The following CACNA1D variants were observed in gnomAD, a reference collection of about 807,000 sequenced individuals.
CACNA1D encodes the protein voltage-dependent L-type calcium channel subunit alpha-1D.
Under a neutral mutation model 257.1 loss-of-function variants are expected in CACNA1D, and 55 were observed. The ratio of observed to expected loss-of-function variants is 0.21; its 90% CI spans 0.17 to 0.27. CACNA1D has a LOEUF of 0.27. Among genes scored for constraint, CACNA1D ranks in the 10% least tolerant of loss-of-function variants. The pLI is 1.00. For missense variants in CACNA1D, 1,876 were observed against 2,784.0 expected, an observed-to-expected ratio of 0.67 and a Z score of 7.34; for synonymous variants, 980 against 1,014.9, an observed-to-expected ratio of 0.97 and a Z score of 0.65.
intron 40 of CACNA1D, chr3:53,799,906 C>T (rs1179728023): frequency 1.4e-5 from 5 of 367,008 alleles, no homozygotes; most frequent in East Asian, 6.5e-5. Flanking sequence ...CTCTTGTAGG[C>T]GAGCCTACTG....
At chr3:53,744,368 CA>C (rs2095146993) in intron 22 of CACNA1D, among the ~76,000 whole-genome samples, 1 of 152,186 alleles carries the variant, frequency 6.6e-6, no homozygotes, top group Admixed American at 6.5e-5. Context: ...GCCCTGGTAC[CA>C]AAGTGCTACA....
intron 27 of CACNA1D, among the ~76,000 whole-genome samples, chr3:53,750,495 T>C (rs2095215755): frequency 6.6e-6 from 1 of 152,202 alleles, no homozygotes; most frequent in African/African-American, 2.4e-5. Flanking sequence ...AAGCCAACCA[T>C]AGCTGGCTGT....
At chr3:53,628,214 G>A (rs999606448) in intron 3 of CACNA1D, among the ~76,000 whole-genome samples, 2 of 152,106 alleles carry the variant, frequency 1.3e-5, no homozygotes, top group Non-Finnish European at 2.9e-5. Flanking sequence ...GTCAGATGCA[G>A]ACCCTGTGCC....
intron 5 of CACNA1D, among the ~76,000 whole-genome samples, chr3:53,660,853 A>G (rs1242839919): frequency 6.6e-6 from 1 of 152,146 alleles, no homozygotes; most frequent in African/African-American, 2.4e-5. Context: ...GTGAGAACTG[A>G]GTGAGATAAT....
chr3:53,732,425 G>C (rs954213414), intron 18 of CACNA1D, among the ~76,000 whole-genome samples: 1 of 152,198 alleles, frequency 6.6e-6, no homozygotes, highest in African/African-American at 2.4e-5. Flanking sequence ...GTGGAGTTGG[G>C]AGCCTAGGAG....
Position 53,543,366 on chromosome 3 carries a change from G to GA in CACNA1D, c.483+41649dup, listed in dbSNP as rs779234159. Among the ~76,000 whole-genome samples, 115 of 152,290 alleles carry GA rather than the reference G, an allele frequency of 7.6e-4. No homozygotes were observed. The Middle Eastern group carries it at 0.01, about 14-fold the overall frequency. Reference sequence around the variant, plus strand: ...TAAACCTTTTCTGTCAGGGTGAGGAGAAAGTGGGTAAAGGACTTCAGCATT... The same window carrying GA: ...TAAACCTTTTCTGTCAGGGTGAGGAGAAAAGTGGGTAAAGGACTTCAGCATT... On this transcript the variant is annotated intron_variant, in intron 3 of 47. Coordinates refer to ENST00000350061, the MANE Select transcript of CACNA1D (RefSeq NM_001128840.3).
At position 53,812,526 on chromosome 3, in the gene CACNA1D, C is replaced by T. The variant is rs1187958855; in HGVS notation, c.*1120C>T. On this transcript the variant is annotated 3_prime_UTR_variant, in exon 48 of 48. Coordinates refer to ENST00000350061, the MANE Select transcript of CACNA1D (RefSeq NM_001128840.3). ...AGAGTTCCATGATTTTGATACTGTA[C>T]CTTTGGATCCACCATGGGTTGCAAC... 1.3e-5 allele frequency: 2 copies of T among 152,120 alleles called. No individual in the cohort carries two copies. The highest frequency in any genetic ancestry group is 2.4e-5 in the African/African-American group (1 of 41,392). The allele number at this position is 152,120 out of a possible 1,614,324, so 9.4% of individuals were successfully genotyped here. A position where few individuals can be genotyped will look rare whatever the true frequency, so the allele number is the denominator to read the frequency against.
chr3:53,658,686 G>A (rs888903817), intron 4 of CACNA1D, among the ~76,000 whole-genome samples: 23 of 152,190 alleles, frequency 1.5e-4, no homozygotes, highest in Non-Finnish European at 3.1e-4. Context: ...TTTTGGAGGA[G>A]AGACTTTTCA....
chr3:53,753,363 ATCAT>A (rs1302910596), intron 28 of CACNA1D, among the ~76,000 whole-genome samples: 1 of 152,158 alleles, frequency 6.6e-6, no homozygotes, highest in Non-Finnish European at 1.5e-5. Flanking sequence ...TTCCCCCTTC[ATCAT>A]TCAATCATCC....
chr3:53,634,046 A>C (rs566790664), intron 3 of CACNA1D, among the ~76,000 whole-genome samples: 1 of 152,330 alleles, frequency 6.6e-6, no homozygotes, highest in South Asian at 2.1e-4. Flanking sequence ...GTGGCCCTTC[A>C]TGTTCAGATG....
At chr3:53,504,933 G>A (rs1464394579) in intron 3 of CACNA1D, among the ~76,000 whole-genome samples, 2 of 151,856 alleles carry the variant, frequency 1.3e-5, no homozygotes, top group African/African-American at 4.8e-5. Context: ...AAAATGTCCA[G>A]AATGGAGATC....
At chr3:53,565,051 C>G (rs199598842) in intron 3 of CACNA1D, among the ~76,000 whole-genome samples, 1 of 152,102 alleles carries the variant, frequency 6.6e-6, no homozygotes, top group African/African-American at 2.4e-5. Flanking sequence ...ATCAGTGTTT[C>G]AGCACAGATT....
At position 53,800,963 on chromosome 3, in the gene CACNA1D, G is replaced by GA; in HGVS notation, c.5041-93dup. On this transcript the variant is annotated intron_variant, in intron 41 of 47. Transcript: ENST00000350061. This position sits in a 1 kb window ranked among gnomAD's most constrained non-coding sequence, Gnocchi z 4.3. ...ACAGGGATCCTACGGAGCTTGCCTA[G>GA]AATTTGTTTTTCATGTAGAAAAAGT... The GA allele has an allele frequency of 8.1e-7, 1 of 1,238,116 alleles. No homozygotes were observed. The allele number at this position is 1,238,116 out of a possible 1,614,324, so 76.7% of individuals were successfully genotyped here.
At chr3:53,749,240 G>A in intron 26 of CACNA1D, 28 bp from the exon 27 acceptor site, 1 of 1,557,526 alleles carries the variant, frequency 6.4e-7, no homozygotes, top group Non-Finnish European at 8.9e-7. Flanking sequence ...GGGCTTGGCA[G>A]GTCCTCACTT....
intron 21 of CACNA1D, among the ~76,000 whole-genome samples, chr3:53,741,162 C>T (rs2095114368): frequency 6.6e-6 from 1 of 152,126 alleles, no homozygotes; most frequent in Non-Finnish European, 1.5e-5. Flanking sequence ...GAGACCACAG[C>T]AGAGCTCCAA....
chr3:53,518,903 T>G (rs946037787), intron 3 of CACNA1D, among the ~76,000 whole-genome samples: 22 of 152,206 alleles, frequency 1.4e-4, no homozygotes, highest in Non-Finnish European at 4.4e-5. Flanking sequence ...TCTGATGTGT[T>G]TATTAAACAA....
rs138917949 is a variant in CACNA1D, at chr3:53,515,437, A to G, written c.483+13717A>G. On this transcript the variant is annotated intron_variant, in intron 3 of 47. Coordinates refer to ENST00000350061, the MANE Select transcript of CACNA1D (RefSeq NM_001128840.3). ...CGTGGTCAGGGACGGCCTATACGGC[A>G]CTTCATCATAGGGTCTGATTTTTAT... is the stretch of plus-strand genomic sequence containing the variant. Among the ~76,000 whole-genome samples, 1,230 of 152,274 alleles carry G rather than the reference A, an allele frequency of 8.1e-3. 22 individuals carry two copies. The highest frequency in any genetic ancestry group is 0.028 in the African/African-American group (1,169 of 41,554).
At chr3:53,597,623 T>A (rs976360457) in intron 3 of CACNA1D, among the ~76,000 whole-genome samples, 6 of 152,196 alleles carry the variant, frequency 3.9e-5, no homozygotes, top group African/African-American at 1.4e-4. Flanking sequence ...TTCCCATCTC[T>A]CTAATAAGTA....
chr3:53,811,267 A>G lies in CACNA1D; in HGVS notation c.6347A>G (p.Asn2116Ser), dbSNP rs1165972232. The G allele has an allele frequency of 8.1e-6, 13 of 1,613,870 alleles. No homozygotes were observed. Among genetic ancestry groups the G allele is most frequent in the East Asian group, 4.5e-5 (2 of 44,880 alleles). Residue 2116 changes from asparagine (N) to serine (S), a missense_variant, in exon 48 of 48, where the codon AAC becomes AGC. By Grantham distance (46) the Asn-to-Ser change is conservative. Coordinates refer to ENST00000350061, the MANE Select transcript of CACNA1D (RefSeq NM_001128840.3). The surrounding 1 kb of genome is among the most constrained non-coding windows in gnomAD (Gnocchi z 4.2). ...LLNGNVRPRANGDVGPLSHRQ... is the reference protein window; with the variant it reads ...LLNGNVRPRASGDVGPLSHRQ... Reference sequence around the variant, plus strand: ...AATGGGAACGTGCGTCCCCGAGCCAACGGGGATGTGGGCCCCCTCTCACAC... The same window carrying G: ...AATGGGAACGTGCGTCCCCGAGCCAGCGGGGATGTGGGCCCCCTCTCACAC...
Sources: gnomAD v4.1 joint callset for allele counts (sites outside exome capture counted in the v4.1 genomes callset) on GRCh38, gnomAD v4.1.1 for gene constraint, Gnocchi (gnomAD v3.1) non-coding constraint, MANE v1.5 for transcripts, NCBI Gene and HGNC (gene_info 2026-07-23, HGNC 2026-07-21) for gene names.